Variants in TMTC2 observed in about 807,000 individuals in gnomAD.
TMTC2 encodes the protein transmembrane O-mannosyltransferase targeting cadherins 2, also known as protein O-mannosyl-transferase TMTC2.
In TMTC2, 43 loss-of-function variants were observed where a neutral mutation model predicts 82.4. The ratio of observed to expected loss-of-function variants is 0.52; its 90% CI spans 0.41 to 0.67. The LOEUF is 0.67. Among genes scored for constraint, TMTC2 ranks in the 30% least tolerant of loss-of-function variants. The pLI, the probability that TMTC2 is intolerant of heterozygous loss-of-function variation, is 0.00. For missense variants in TMTC2, 919 were observed against 1,012.4 expected (o/e 0.91, Z 1.25); for synonymous variants, 408 against 381.9 (o/e 1.07, Z -0.80).
intron 2 of TMTC2, among the ~76,000 whole-genome samples, chr12:82,893,100 G>A (rs748737089): frequency 1.3e-5 from 2 of 152,046 alleles, no homozygotes; most frequent in Non-Finnish European, 2.9e-5. Flanking sequence ...GGCCAGTCAC[G>A]GTGGCTCACG....
chr12:82,938,781 T>C lies in TMTC2; in HGVS notation c.1598+8236T>C, dbSNP rs139582355. 3.3e-5 allele frequency among the ~76,000 whole-genome samples: 5 copies of C among 152,308 alleles called. No homozygotes were observed. The East Asian group carries it at 7.7e-4, about 23-fold the overall frequency. On this transcript the variant is annotated intron_variant, in intron 4 of 11. Coordinates refer to ENST00000321196, the MANE Select transcript of TMTC2 (RefSeq NM_152588.3). ...GTAAATATCAATTAATACACAAATA[T>C]ACTCTTGTGAAACATTCAAATAATA...
chr12:82,913,694 T>TA (rs1181500812), intron 3 of TMTC2, among the ~76,000 whole-genome samples: 1 of 152,202 alleles, frequency 6.6e-6, no homozygotes, highest in Non-Finnish European at 1.5e-5. Flanking sequence ...CATGGAAGTA[T>TA]AACTTTCTGA....
chr12:82,870,143 G>A (rs1872100690), intron 2 of TMTC2, among the ~76,000 whole-genome samples: 1 of 151,940 alleles, frequency 6.6e-6, no homozygotes, highest in African/African-American at 2.4e-5. Flanking sequence ...TTTCACCCTG[G>A]GTTCTTTTTT....
chr12:82,749,894 C>T (rs143296194), intron 1 of TMTC2, among the ~76,000 whole-genome samples: 194 of 152,144 alleles, frequency 1.3e-3, no homozygotes, highest in African/African-American at 4.5e-3. Context: ...TGCACCACCA[C>T]GCCCGCATAA....
At chr12:82,700,214 A>G (rs1873004315) in intron 1 of TMTC2, among the ~76,000 whole-genome samples, 1 of 152,198 alleles carries the variant, frequency 6.6e-6, no homozygotes, top group Non-Finnish European at 1.5e-5. Flanking sequence ...CTTATATAGA[A>G]TAAGAATAGC....
intron 1 of TMTC2, among the ~76,000 whole-genome samples, chr12:82,814,794 A>G (rs554776300): frequency 3.7e-4 from 56 of 152,320 alleles, no homozygotes; most frequent in African/African-American, 1.3e-3. Context: ...TATTTTAGGA[A>G]GATGAGGAAT....
intron 1 of TMTC2, among the ~76,000 whole-genome samples, chr12:82,717,072 G>A (rs1033393212): frequency 6.6e-6 from 1 of 152,130 alleles, no homozygotes; most frequent in Non-Finnish European, 1.5e-5. Flanking sequence ...GTACCAATGA[G>A]GAATATATAT....
intron 1 of TMTC2, among the ~76,000 whole-genome samples, chr12:82,698,459 G>T (rs1414686635): frequency 6.6e-6 from 1 of 152,120 alleles, no homozygotes; most frequent in Non-Finnish European, 1.5e-5. Context: ...TTAAAAAGCT[G>T]CATGGTTATA....
chr12:82,898,141 A>G (rs1257769130), intron 3 of TMTC2, among the ~76,000 whole-genome samples: 4 of 152,212 alleles, frequency 2.6e-5, no homozygotes, highest in African/African-American at 7.2e-5. Context: ...TTGAAGCATT[A>G]AAGTTGAGCT....
At chr12:83,052,327 A>G (rs1882383317) in intron 10 of TMTC2, among the ~76,000 whole-genome samples, 2 of 152,280 alleles carry the variant, frequency 1.3e-5, no homozygotes, top group South Asian at 4.1e-4. Flanking sequence ...TTCAACATTC[A>G]TGTTAGCATC....
intron 1 of TMTC2, among the ~76,000 whole-genome samples, chr12:82,794,113 G>A (rs921242080): frequency 4.6e-5 from 7 of 152,102 alleles, no homozygotes; most frequent in Non-Finnish European, 1.5e-5. Context: ...CTGTTGATGC[G>A]TGAGAAGAGG....
At chr12:82,736,028 A>G (rs2136947375) in intron 1 of TMTC2, among the ~76,000 whole-genome samples, 2 of 151,704 alleles carry the variant, frequency 1.3e-5, no homozygotes, top group East Asian at 3.9e-4. Flanking sequence ...TGAGTTTTAA[A>G]TTTTGCTCCG....
intron 11 of TMTC2, among the ~76,000 whole-genome samples, chr12:83,071,027 C>T (rs964855818): frequency 4.1e-4 from 63 of 152,082 alleles, no homozygotes; most frequent in Admixed American, 1.4e-3. Context: ...TTCCTGCATC[C>T]CTGCTATGAA....
chr12:82,888,970 T>G (rs1158129765), intron 2 of TMTC2, among the ~76,000 whole-genome samples: 1 of 152,094 alleles, frequency 6.6e-6, no homozygotes, highest in Non-Finnish European at 1.5e-5. Context: ...CTTCAATAAA[T>G]AACAAATATA....
At chr12:82,897,673 C>T (rs1873751149) in intron 3 of TMTC2, among the ~76,000 whole-genome samples, 1 of 152,014 alleles carries the variant, frequency 6.6e-6, no homozygotes, top group Non-Finnish European at 1.5e-5. Context: ...TTACAGGCGC[C>T]CACCACCACA....
chr12:82,787,502 ACTT>A (rs1199520323), intron 1 of TMTC2, among the ~76,000 whole-genome samples: 1 of 152,168 alleles, frequency 6.6e-6, no homozygotes, highest in African/African-American at 2.4e-5. Flanking sequence ...AGTTAGATTT[ACTT>A]CTTAAAATCT....
intron 1 of TMTC2, among the ~76,000 whole-genome samples, chr12:82,793,381 T>TC (rs1592526535): frequency 1.3e-5 from 2 of 151,462 alleles, no homozygotes; most frequent in South Asian, 2.1e-4. Context: ...TTTTTTTTTT[T>TC]CAAAATTAGA....
intron 11 of TMTC2, among the ~76,000 whole-genome samples, chr12:83,077,901 T>TTTTTTTTTTTTTTTTTTTTC (rs1565879959): frequency 7.1e-6 from 1 of 141,124 alleles, no homozygotes; most frequent in Non-Finnish European, 1.6e-5. Flanking sequence ...TTTTTTTTTT[T>TTTTTTTTTTTTTTTTTTTTC]TTTTAACAGG....
At chr12:82,948,331 C>T (rs1877142659) in intron 4 of TMTC2, among the ~76,000 whole-genome samples, 2 of 151,596 alleles carry the variant, frequency 1.3e-5, no homozygotes, top group African/African-American at 4.9e-5. Context: ...TACCACTGCA[C>T]TCCAGCCTGG....
Sources: allele counts gnomAD v4.1 joint callset (sites outside exome capture counted in the v4.1 genomes callset), GRCh38; gene constraint gnomAD v4.1.1; transcripts MANE v1.5; gene names NCBI Gene and HGNC (gene_info 2026-07-23, HGNC 2026-07-21).